Variants in IQSEC1 observed in about 807,000 individuals in gnomAD.
IQSEC1 encodes the protein IQ motif and Sec7 domain ArfGEF 1, also known as IQ motif and SEC7 domain-containing protein 1.
A neutral mutation model predicts 91.0 loss-of-function variants in IQSEC1; 31 were observed. That is an observed-to-expected ratio of 0.34 (90% CI 0.26 to 0.46). The LOEUF is 0.46. Among genes scored for constraint, IQSEC1 ranks in the 20% least tolerant of loss-of-function variants. The pLI, the probability that IQSEC1 is intolerant of heterozygous loss-of-function variation, is 1.00. For synonymous variants in IQSEC1, 699 were observed against 662.6 expected (o/e 1.05, Z -0.84); for missense variants, 1,388 against 1,575.6 (o/e 0.88, Z 2.02).
rs144361339 is a variant in IQSEC1, at chr3:13,234,336, C to T, written c.272+48375G>A. ...CTGTGTGTGCCTGTGGGTGTGAGCCCTGTGTCTGTGTGTGCCTATGGGTGT... is the reference window on the plus strand; with the variant it reads ...CTGTGTGTGCCTGTGGGTGTGAGCCTTGTGTCTGTGTGTGCCTATGGGTGT... On this transcript the variant is annotated intron_variant, in intron 1 of 15. Transcript: ENST00000648114. Among the ~76,000 whole-genome samples the T allele has an allele frequency of 3.8e-3, 508 of 133,988 alleles. 4 individuals carry two copies. The highest frequency in any genetic ancestry group is 0.012 in the African/African-American group (469 of 39,242). The allele number at this position is 133,988 out of a possible 152,430, so 87.9% of individuals were successfully genotyped here. A position where few individuals can be genotyped will look rare whatever the true frequency, so the allele number is the denominator to read the frequency against.
Position 12,899,540 on chromosome 3 carries a change from G to C in IQSEC1, c.*1443C>G. ...ACAACACAGAAGCGACAAGAGCACA[G>C]CTGAGAGTCATGTGATGCCCTGGCA... is the stretch of plus-strand genomic sequence containing the variant. On this transcript the variant is annotated 3_prime_UTR_variant, in exon 14 of 14. Coordinates refer to ENST00000613206, the MANE Select transcript of IQSEC1 (RefSeq NM_001134382.3). 7 of 1,516,804 alleles carry C rather than the reference G, an allele frequency of 4.6e-6. No homozygotes were observed. Among genetic ancestry groups the C allele is most frequent in the Non-Finnish European group, 6.2e-6 (7 of 1,123,192 alleles). The allele number at this position is 1,516,804 out of a possible 1,614,324, so 94.0% of individuals were successfully genotyped here. A position where few individuals can be genotyped will look rare whatever the true frequency, so the allele number is the denominator to read the frequency against.
At position 12,970,016 on chromosome 3, in the gene IQSEC1, A is replaced by C. The variant is rs1700817266; in HGVS notation, c.24-28151T>G. Among the ~76,000 whole-genome samples, 1 of 152,242 alleles carries C rather than the reference A, an allele frequency of 6.6e-6. No homozygotes were observed. Among genetic ancestry groups the C allele is most frequent in the African/African-American group, 2.4e-5 (1 of 41,458 alleles). On this transcript the variant is annotated intron_variant, in intron 1 of 13. Coordinates refer to ENST00000613206, the MANE Select transcript of IQSEC1 (RefSeq NM_001134382.3). This position sits in a 1 kb window ranked among gnomAD's most constrained non-coding sequence, Gnocchi z 4.4. ...GGCCAATTTTTCTGCAGAAATGACCAGACTGGTCAGAATCCTTGCATGCAC... is the reference window on the plus strand; with the variant it reads ...GGCCAATTTTTCTGCAGAAATGACCCGACTGGTCAGAATCCTTGCATGCAC...
rs1329367082 is a variant in IQSEC1, at chr3:12,994,039, G to T, written c.24-52174C>A. Among the ~76,000 whole-genome samples, 1 of 148,552 alleles carries T rather than the reference G, an allele frequency of 6.7e-6. No individual in the cohort carries two copies. Among genetic ancestry groups the T allele is most frequent in the African/African-American group, 2.4e-5 (1 of 41,012 alleles). ...CGACCCCCGCCCGGGGCCCCGCACC[G>T]CACCGGTCGCCGGGCGCGTCCCCCG... On this transcript the variant is annotated intron_variant, in intron 1 of 13. Transcript: ENST00000613206. This position sits in a 1 kb window ranked among gnomAD's most constrained non-coding sequence, Gnocchi z 4.5.
chr3:12,936,725 A>T, intron 2 of IQSEC1, 28 bp from the exon 3 acceptor site: 3 of 1,536,476 alleles, frequency 2.0e-6, no homozygotes, highest in Non-Finnish European at 1.8e-6. Context: ...GAATGAGAAC[A>T]GCACTGCATG....
chr3:13,230,105 A>G (rs1694818229), intron 1 of IQSEC1, among the ~76,000 whole-genome samples: 1 of 152,254 alleles, frequency 6.6e-6, no homozygotes, highest in Admixed American at 6.5e-5. Flanking sequence ...ACACTTTTGT[A>G]AGTGATGATT....
chr3:13,120,366 C>T (rs946356899), intron 2 of IQSEC1, among the ~76,000 whole-genome samples: 3 of 152,328 alleles, frequency 2.0e-5, no homozygotes, highest in Middle Eastern at 3.4e-3. Context: ...CTGAGCTCTT[C>T]ACCTCTGCTC....
chr3:13,243,777 G>A (rs930666652), intron 1 of IQSEC1, among the ~76,000 whole-genome samples: 8 of 151,274 alleles, frequency 5.3e-5, no homozygotes, highest in African/African-American at 1.9e-4. Context: ...TTGTTCTCTG[G>A]GGGCTGCCTG....
intron 10 of IQSEC1, among the ~76,000 whole-genome samples, chr3:12,910,253 C>T (rs1695438742): frequency 6.6e-6 from 1 of 152,204 alleles, no homozygotes; most frequent in African/African-American, 2.4e-5. Context: ...GTTTGAGACC[C>T]CTGGAATGAC....
At chr3:13,104,849 C>T (rs1057093022) in intron 2 of IQSEC1, among the ~76,000 whole-genome samples, 2 of 152,178 alleles carry the variant, frequency 1.3e-5, no homozygotes, top group Non-Finnish European at 2.9e-5. Flanking sequence ...AAACAAGCAG[C>T]GTGTGCTGCG....
chr3:13,226,533 C>T (rs1475269809), intron 1 of IQSEC1, among the ~76,000 whole-genome samples: 1 of 151,254 alleles, frequency 6.6e-6, no homozygotes, highest in Non-Finnish European at 1.5e-5. Context: ...AGGAGGATTG[C>T]TTGAGGTCAG....
chr3:12,986,987 G>C, intron 1 of IQSEC1: 1 of 443,106 alleles, frequency 2.3e-6, no homozygotes, highest in Non-Finnish European at 4.5e-6. Flanking sequence ...CCAGTGCTGT[G>C]GGTGGGGGCC....
intron 1 of IQSEC1, among the ~76,000 whole-genome samples, chr3:13,018,004 T>C (rs1012778765): frequency 6.6e-6 from 1 of 151,784 alleles, no homozygotes; most frequent in Admixed American, 6.6e-5. Flanking sequence ...CCTCAGGGAG[T>C]CCTGGTCTCT....
intron 1 of IQSEC1, among the ~76,000 whole-genome samples, chr3:12,948,021 C>G (rs1699298174): frequency 6.6e-6 from 1 of 152,258 alleles, no homozygotes; most frequent in Non-Finnish European, 1.5e-5. Context: ...TTCTGCCAAG[C>G]AAGGGGCCAA....
At chr3:13,237,777 G>A (rs550329924) in intron 1 of IQSEC1, among the ~76,000 whole-genome samples, 4 of 152,338 alleles carry the variant, frequency 2.6e-5, no homozygotes, top group Middle Eastern at 3.4e-3. Context: ...AAATGACATC[G>A]AAGGTGATAG....
At chr3:13,155,695 T>A (rs1707075448) in intron 2 of IQSEC1, among the ~76,000 whole-genome samples, 1 of 152,208 alleles carries the variant, frequency 6.6e-6, no homozygotes, top group Admixed American at 6.5e-5. Context: ...ATACCTCTTA[T>A]GAACATTGAT....
At position 12,978,712 on chromosome 3, in the gene IQSEC1, A is replaced by T. The variant is rs553298435; in HGVS notation, c.24-36847T>A. 9.9e-3 allele frequency among the ~76,000 whole-genome samples: 1,474 copies of T among 149,500 alleles called. 27 individuals are homozygous for T. The highest frequency in any genetic ancestry group is 0.034 in the African/African-American group (1,341 of 38,968). On this transcript the variant is annotated intron_variant, in intron 1 of 13. Transcript: ENST00000613206. ...AGAGCGAGGCTCAGTCTCAAAAAAA[A>T]AAATAAATAAATAAAAAAGAATCTT...
At chr3:13,252,721 T>TTTTTTG (rs1347268931) in intron 1 of IQSEC1, among the ~76,000 whole-genome samples, 8 of 138,456 alleles carry the variant, frequency 5.8e-5, no homozygotes, top group African/African-American at 1.0e-4. Flanking sequence ...TATCTATGTT[T>TTTTTTG]TTTTTTGTTT....
chr3:13,066,257 T>TA (rs1284783932), intron 1 of IQSEC1, among the ~76,000 whole-genome samples: 1 of 152,248 alleles, frequency 6.6e-6, no homozygotes, highest in African/African-American at 2.4e-5. Context: ...TGTTCAGCTT[T>TA]AAAAAAGGAA....
rs571307382 is a variant in IQSEC1, at chr3:13,274,356, G to A, written c.272+8355C>T. Reference sequence around the variant, plus strand: ...ACAGGCAGCTACAAGTGACTTGCAAGGACCCTCCTGCCCTACCGGTCCCAG... The same window carrying A: ...ACAGGCAGCTACAAGTGACTTGCAAAGACCCTCCTGCCCTACCGGTCCCAG... On this transcript the variant is annotated intron_variant, in intron 1 of 15. Coordinates refer to the IQSEC1 transcript ENST00000648114. Among the ~76,000 whole-genome samples, 13 of 152,360 alleles carry A rather than the reference G, an allele frequency of 8.5e-5. 1 individual carries two copies. The South Asian group carries it at 2.7e-3, about 32-fold the overall frequency.
Sources: allele counts gnomAD v4.1 joint callset (sites outside exome capture counted in the v4.1 genomes callset), GRCh38; gene constraint gnomAD v4.1.1; non-coding constraint Gnocchi (gnomAD v3.1); transcripts MANE v1.5; gene names NCBI Gene and HGNC (gene_info 2026-07-23, HGNC 2026-07-21).